Variants in WLS observed in about 807,000 individuals in gnomAD.
The protein encoded by WLS is Wnt ligand secretion mediator, also known as protein wntless homolog.
WLS carries 23 observed loss-of-function variants against 62.8 expected under a neutral mutation model. The ratio of observed to expected loss-of-function variants is 0.37; its 90% CI spans 0.26 to 0.52. The LOEUF is 0.52. Among genes scored for constraint, WLS ranks in the 20% least tolerant of loss-of-function variants. WLS has a pLI of 0.92. For synonymous variants in WLS, 246 were observed against 244.1 expected (o/e 1.01, Z -0.07); for missense variants, 615 against 697.3 (o/e 0.88, Z 1.33).
intron 2 of WLS, among the ~76,000 whole-genome samples, chr1:68,182,850 C>T (rs1647667702): frequency 1.3e-5 from 2 of 152,164 alleles, no homozygotes; most frequent in Non-Finnish European, 2.9e-5. Context: ...TAAAAGGTAA[C>T]TTTAAAATTC....
At chr1:68,223,653 A>AAG (rs919243512) in intron 1 of WLS, among the ~76,000 whole-genome samples, 76 of 152,322 alleles carry the variant, frequency 5.0e-4, no homozygotes, top group African/African-American at 1.7e-3. Flanking sequence ...AACAAGTGTC[A>AAG]AGTCCTCAAG....
chr1:68,162,511 G>A (rs796539172), intron 2 of WLS: 3 of 1,613,176 alleles, frequency 1.9e-6, no homozygotes, highest in East Asian at 2.2e-5. Flanking sequence ...AACTGCAACC[G>A]CCTACCCCCT....
intron 6 of WLS, 89 bp from the exon 7 acceptor site, chr1:68,148,749 C>T (rs925108226): frequency 1.8e-5 from 21 of 1,166,368 alleles, no homozygotes; most frequent in South Asian, 6.6e-5. Flanking sequence ...GGACACTTGC[C>T]GACCACCTAT....
intron 1 of WLS, among the ~76,000 whole-genome samples, chr1:68,208,827 G>C (rs74081613): frequency 6.6e-6 from 1 of 152,272 alleles, no homozygotes; most frequent in East Asian, 1.9e-4. Context: ...TTAGAAAGGC[G>C]TGTTAGGAGT....
intron 2 of WLS, among the ~76,000 whole-genome samples, chr1:68,190,564 T>A (rs1312945336): frequency 6.6e-6 from 1 of 152,230 alleles, no homozygotes; most frequent in Non-Finnish European, 1.5e-5. Context: ...GGCAGTCTTA[T>A]GGAGAGACCC....
chr1:68,214,370 C>CTT (rs11338686), intron 1 of WLS, among the ~76,000 whole-genome samples: 4 of 148,428 alleles, frequency 2.7e-5, no homozygotes, highest in African/African-American at 4.9e-5. Flanking sequence ...CAACTTACTC[C>CTT]TTTTTTTTTT....
chr1:68,170,339 TGTATTTTTA>T (rs1409495043), intron 2 of WLS, among the ~76,000 whole-genome samples: 1 of 151,940 alleles, frequency 6.6e-6, no homozygotes, highest in Non-Finnish European at 1.5e-5. Context: ...CTAATTTTTT[TGTATTTTTA>T]GTAGAGACGG....
intron 2 of WLS, among the ~76,000 whole-genome samples, chr1:68,189,779 A>C (rs1170045720): frequency 6.6e-6 from 1 of 152,204 alleles, no homozygotes; most frequent in Non-Finnish European, 1.5e-5. Flanking sequence ...CACACCTGTA[A>C]TCCCAGCACT....
intron 2 of WLS, among the ~76,000 whole-genome samples, chr1:68,191,184 T>C (rs1648283416): frequency 6.6e-6 from 1 of 152,216 alleles, no homozygotes; most frequent in Admixed American, 6.5e-5. Context: ...TCTTTTTCTT[T>C]ATACTTGGAG....
At chr1:68,162,152 G>A (rs796997676) in intron 2 of WLS, 4 of 1,477,644 alleles carry the variant, frequency 2.7e-6, no homozygotes, top group Admixed American at 3.3e-5. Flanking sequence ...ATAAGATTCG[G>A]TGCATCTTTC....
At chr1:68,159,640 A>T (rs186701452) in intron 2 of WLS, among the ~76,000 whole-genome samples, 2 of 152,280 alleles carry the variant, frequency 1.3e-5, no homozygotes, top group Non-Finnish European at 2.9e-5. Context: ...CTTGAAAACC[A>T]TACCACATCT....
chr1:68,106,297 T>C (rs1010331665), intron 11 of WLS, among the ~76,000 whole-genome samples: 1 of 152,108 alleles, frequency 6.6e-6, no homozygotes, highest in Non-Finnish European at 1.5e-5. Flanking sequence ...TGAGTGCTCT[T>C]GAGGAGATGC....
intron 1 of WLS, among the ~76,000 whole-genome samples, chr1:68,198,096 C>T (rs1458378103): frequency 6.6e-6 from 1 of 152,142 alleles, no homozygotes; most frequent in African/African-American, 2.4e-5. Context: ...GCTGCCTCAG[C>T]ACACATTATA....
chr1:68,179,584 AACTT>A (rs1438297626), intron 2 of WLS, among the ~76,000 whole-genome samples: 4 of 152,146 alleles, frequency 2.6e-5, no homozygotes, highest in African/African-American at 9.7e-5. Flanking sequence ...CACCCCCACT[AACTT>A]AACCAGAAAT....
intron 10 of WLS, 188 bp from the exon 11 acceptor site, chr1:68,138,121 C>T (rs1646637154): frequency 1.5e-6 from 1 of 681,742 alleles, no homozygotes; most frequent in Non-Finnish European, 2.4e-6. Flanking sequence ...TGAAGGTTCT[C>T]TAGCTTTCTG....
intron 11 of WLS, among the ~76,000 whole-genome samples, chr1:68,133,340 C>A (rs113970514): frequency 1.3e-5 from 2 of 152,130 alleles, no homozygotes; most frequent in African/African-American, 4.8e-5. Context: ...AAGAATGTGG[C>A]GCCACACTCC....
intron 1 of WLS, among the ~76,000 whole-genome samples, chr1:68,220,347 G>T (rs188022080): frequency 2.0e-5 from 3 of 152,248 alleles, no homozygotes; most frequent in Non-Finnish European, 1.5e-5. Flanking sequence ...TTAATTATGG[G>T]CAACCTCTCC....
intron 6 of WLS, among the ~76,000 whole-genome samples, chr1:68,149,356 G>A (rs1367454): frequency 0.041 from 6,187 of 152,178 alleles, 159 homozygotes; most frequent in Middle Eastern, 0.095. Context: ...CATTCTCAGC[G>A]CATCTCTGCT....
At position 68,148,161 on chromosome 1, in the gene WLS, G is replaced by A. The variant is rs377649019; in HGVS notation, c.1109C>T (p.Thr370Ile). Residue 370 changes from threonine (T) to isoleucine (I), a missense_variant, in exon 8 of 12, where the codon ACT becomes ATT. Thr to Ile is a moderately conservative substitution (Grantham distance 89). Transcript: ENST00000262348. Reference sequence around the variant, plus strand: ...GGCCAGCTCTGTTCCAATGTCTGTAGTCCAGATACTGTAGAAGGGATTCGT... The same window carrying A: ...GGCCAGCTCTGTTCCAATGTCTGTAATCCAGATACTGTAGAAGGGATTCGT... The part of the protein sequence containing the change: ...QLTNPFYSIW[T>I]TDIGTELAMA... The A allele has an allele frequency of 1.9e-5, 30 of 1,614,066 alleles. No individual in the cohort carries two copies. Among genetic ancestry groups the A allele is most frequent in the Non-Finnish European group, 2.5e-5 (30 of 1,180,052 alleles).
Sources: gnomAD v4.1 joint callset for allele counts (sites outside exome capture counted in the v4.1 genomes callset) on GRCh38, gnomAD v4.1.1 for gene constraint, MANE v1.5 for transcripts, NCBI Gene and HGNC (gene_info 2026-07-23, HGNC 2026-07-21) for gene names.